Variants in SYDE2 observed in about 807,000 individuals in gnomAD.
SYDE2 encodes the protein synapse defective Rho GTPase homolog 2, also known as rho GTPase-activating protein SYDE2.
Under a neutral mutation model 91.5 loss-of-function variants are expected in SYDE2, and 76 were observed. The observed-to-expected ratio is 0.83, with a 90% CI of 0.69 to 1.01. The LOEUF (loss-of-function observed/expected upper bound fraction) is 1.01. SYDE2 is among the 50% of genes least tolerant of loss of function. The pLI is 0.00. For missense variants in SYDE2, 1,364 were observed against 1,367.7 expected, an observed-to-expected ratio of 1.00 and a Z score of 0.04; for synonymous variants, 513 against 506.4, an observed-to-expected ratio of 1.01 and a Z score of -0.18.
chr1:85,191,976 T>C (rs1208021546), intron 1 of SYDE2, among the ~76,000 whole-genome samples: 1 of 151,926 alleles, frequency 6.6e-6, no homozygotes, highest in Non-Finnish European at 1.5e-5. Flanking sequence ...CCGTACATAA[T>C]TAAAACCACA....
At chr1:85,195,884 G>T (rs1658567935) in intron 1 of SYDE2, among the ~76,000 whole-genome samples, 1 of 152,098 alleles carries the variant, frequency 6.6e-6, no homozygotes, top group Admixed American at 6.6e-5. Flanking sequence ...GCACCAAATG[G>T]ATTATCTCTT....
rs749770743 is a variant in SYDE2 at position 85,200,896 on chromosome 1, G to C, written c.101C>G (p.Ser34Cys). Residue 34 changes from serine (S) to cysteine (C), a missense_variant, in exon 1 of 7, where the codon TCC becomes TGC. By Grantham distance (112) the Ser-to-Cys change is moderately radical. Coordinates refer to ENST00000341460, the MANE Select transcript of SYDE2 (RefSeq NM_032184.2). ...AGARAPGQPP[S>C]RGAAYRRACP... ...GGCTCGGCGGTACGCGGCGCCGCGGGAAGGCGGCTGGCCCGGAGCCCGGGC... is the reference window on the plus strand; with the variant it reads ...GGCTCGGCGGTACGCGGCGCCGCGGCAAGGCGGCTGGCCCGGAGCCCGGGC... 2 of 1,333,724 alleles carry C rather than the reference G, an allele frequency of 1.5e-6. No individual in the cohort carries two copies. The highest frequency in any genetic ancestry group is 1.9e-6 in the Non-Finnish European group (2 of 1,051,490). 82.6% of individuals were successfully genotyped at this position (1,333,724 alleles called of 1,614,324 possible).
In SYDE2 at chr1:85,183,157, A is replaced by G. The variant is rs754985843; in HGVS notation, c.1485T>C (p.Ile495=). 1.3e-6 allele frequency: 2 copies of G among 1,599,314 alleles called. No homozygotes were observed. The highest frequency in any genetic ancestry group is 4.5e-5 in the East Asian group (2 of 44,802). The change falls in exon 3 of 7, where the codon ATT becomes ATC. Residue 495 remains isoleucine (I), a synonymous_variant. Coordinates refer to ENST00000341460, the MANE Select transcript of SYDE2 (RefSeq NM_032184.2). ...TAGGATTTGGAGAAGATGGTTCCAT[A>G]ATTCCCAATTCAGTACTATTTGTAG... The part of the protein sequence containing the change: ...LAATNSTELG[I]MEPSSPNPSP...
At position 85,182,330 on chromosome 1, in the gene SYDE2, CTAAA is replaced by C; in HGVS notation, c.2308_2311del (p.Phe770GlufsTer2). 1 of 1,613,848 alleles carries C rather than the reference CTAAA, an allele frequency of 6.2e-7. No individual in the cohort carries two copies. Among genetic ancestry groups the C allele is most frequent in the South Asian group, 1.1e-5 (1 of 91,058 alleles). On this transcript the variant is annotated frameshift_variant, in exon 3 of 7. Coordinates refer to ENST00000341460, the MANE Select transcript of SYDE2 (RefSeq NM_032184.2). LOFTEE classifies it high-confidence loss of function. ...AGCCAACTGATGAGTCTTTGTCACT[CTAAA>C]TAAGGTGGGAAGAACAACAGTTCCA...
At chr1:85,159,299 TAA>T (rs753600714) in intron 6 of SYDE2, 50 bp from the exon 7 acceptor site, 1 of 650,772 alleles carries the variant, frequency 1.5e-6, no homozygotes. Context: ...CAACTGAACT[TAA>T]AAAAAAAACA....
Position 85,183,177 on chromosome 1 carries a change from T to A in SYDE2, c.1465A>T (p.Asn489Tyr). 1 of 1,575,266 alleles carries A rather than the reference T, an allele frequency of 6.3e-7. No homozygotes were observed. The highest frequency in any genetic ancestry group is 1.2e-5 in the South Asian group (1 of 83,668). ...FAGSGILAAT[N>Y]STELGIMEPS... The stretch of plus-strand genomic sequence containing the variant: ...TCCATAATTCCCAATTCAGTACTAT[T>A]TGTAGCAGCCAGGATCCCAGAACCT... Residue 489 changes from asparagine (N) to tyrosine (Y), a missense_variant, in exon 3 of 7, where the codon AAT becomes TAT. Coordinates refer to ENST00000341460, the MANE Select transcript of SYDE2 (RefSeq NM_032184.2).
intron 2 of SYDE2, among the ~76,000 whole-genome samples, chr1:85,189,110 T>G (rs564165888): frequency 2.0e-5 from 3 of 152,326 alleles, no homozygotes; most frequent in Admixed American, 1.3e-4. Flanking sequence ...CTTTTGAATA[T>G]TCACAATTTC....
intron 4 of SYDE2, among the ~76,000 whole-genome samples, chr1:85,172,232 G>A (rs1024391868): frequency 6.6e-6 from 1 of 152,158 alleles, no homozygotes; most frequent in Non-Finnish European, 1.5e-5. Flanking sequence ...GTTCCCATCT[G>A]ATGGCTTCTG....
chr1:85,195,781 T>G (rs1658564515), intron 1 of SYDE2, among the ~76,000 whole-genome samples: 1 of 152,190 alleles, frequency 6.6e-6, no homozygotes, highest in African/African-American at 2.4e-5. Flanking sequence ...CTTTTCACTC[T>G]CCATCTAGAA....
chr1:85,160,043 G>T, intron 6 of SYDE2: 1 of 984,550 alleles, frequency 1.0e-6, no homozygotes, highest in African/African-American at 1.7e-5. Context: ...ACTCTTGTGT[G>T]TTGAACAAAA....
At chr1:85,180,689 C>CAAA (rs142525630) in intron 3 of SYDE2, among the ~76,000 whole-genome samples, 1 of 117,388 alleles carries the variant, frequency 8.5e-6, no homozygotes, top group African/African-American at 3.0e-5. Context: ...GAATCCGTCT[C>CAAA]AAAAAAAAAA....
At chr1:85,184,879 T>G (rs1268496633) in intron 2 of SYDE2, among the ~76,000 whole-genome samples, 1 of 141,712 alleles carries the variant, frequency 7.1e-6, no homozygotes, top group Non-Finnish European at 1.5e-5. Context: ...ATACCCCGTC[T>G]TAAAAAAAAA....
chr1:85,186,823 T>C (rs1315678228), intron 2 of SYDE2, among the ~76,000 whole-genome samples: 1 of 152,184 alleles, frequency 6.6e-6, no homozygotes, highest in Non-Finnish European at 1.5e-5. Flanking sequence ...TGTAGAAAGC[T>C]GAAACTGGAT....
chr1:85,168,878 T>C (rs562450097), intron 5 of SYDE2, among the ~76,000 whole-genome samples, 166 bp downstream of exon 5: 178 of 152,324 alleles, frequency 1.2e-3, no homozygotes, highest in African/African-American at 4.0e-3. Flanking sequence ...ATTTATTCTG[T>C]TTAAGAAGCT....
Position 85,182,623 on chromosome 1 carries a change from C to T in SYDE2, c.2019G>A (p.Lys673=). The T allele has an allele frequency of 1.9e-6, 3 of 1,613,898 alleles. No homozygotes were observed. Among genetic ancestry groups the T allele is most frequent in the Non-Finnish European group, 2.5e-6 (3 of 1,179,840 alleles). The change falls in exon 3 of 7, where the codon AAG becomes AAA. Residue 673 remains lysine (K), a synonymous_variant. Coordinates refer to ENST00000341460, the MANE Select transcript of SYDE2 (RefSeq NM_032184.2). The stretch of plus-strand genomic sequence containing the variant: ...TGAGCCCAGATATGTACTGTGAACA[C>T]TTAGGTTGATCAGAAAAGCTATAAT... The part of the protein sequence containing the change: ...FRHYSFSDQP[K]CSQYISGLMS...
At chr1:85,153,748 C>G (rs548137862), downstream of SYDE2, 1 of 152,078 alleles carries the variant, frequency 6.6e-6, no homozygotes, top group Non-Finnish European at 1.5e-5. Flanking sequence ...TTCTGACGAC[C>G]TAGCCTCTCT....
chr1:85,182,035 C>T, intron 3 of SYDE2, 63 bp downstream of exon 3: 1 of 1,447,550 alleles, frequency 6.9e-7, no homozygotes, highest in South Asian at 1.5e-5. Context: ...GAATTTCTTC[C>T]CCCAAGACTT....
chr1:85,200,045 T>TA (rs200715058), intron 1 of SYDE2: 1,031 of 700,178 alleles, frequency 1.5e-3, no homozygotes, highest in East Asian at 1.8e-3. Context: ...ATTGTCTGAT[T>TA]AAAAAGAAAA....
intron 1 of SYDE2, among the ~76,000 whole-genome samples, chr1:85,198,511 G>GT (rs1267766072): frequency 1.1e-4 from 17 of 152,046 alleles, no homozygotes; most frequent in Admixed American, 3.3e-4. Context: ...AGAGATTATG[G>GT]TAGCTTTGGC....
Sources: gnomAD v4.1 joint callset for allele counts (sites outside exome capture counted in the v4.1 genomes callset) on GRCh38, gnomAD v4.1.1 for gene constraint, MANE v1.5 for transcripts, NCBI Gene and HGNC (gene_info 2026-07-23, HGNC 2026-07-21) for gene names.